CSMD1: variants seen among roughly 807,000 people sequenced by gnomAD.
CSMD1 encodes the protein CUB and sushi domain-containing protein 1.
CSMD1 carries 213 observed loss-of-function variants against 417.5 expected under a neutral mutation model. The ratio of observed to expected loss-of-function variants is 0.51; its 90% CI spans 0.46 to 0.57. The LOEUF (loss-of-function observed/expected upper bound fraction) is 0.57, where lower values mean the gene tolerates loss of function less well. Ranked by LOEUF, CSMD1 falls within the 20% of genes least tolerant of loss-of-function variation. The pLI is 0.00. For synonymous variants in CSMD1, 2,862 were observed against 1,736.8 expected (o/e 1.65, Z -16.11); for missense variants, 6,923 against 4,529.7 (o/e 1.53, Z -15.17).
intron 5 of CSMD1, among the ~76,000 whole-genome samples, chr8:3,766,370 G>A (rs1428097900): frequency 2.0e-5 from 3 of 152,120 alleles, no homozygotes; most frequent in South Asian, 2.1e-4. Flanking sequence ...TCAGTGACCT[G>A]GAAAACGAAA....
At chr8:4,717,310 C>CATATATATATATATATATAT (rs377764710) in intron 1 of CSMD1, among the ~76,000 whole-genome samples, 71 of 137,132 alleles carry the variant, frequency 5.2e-4, no homozygotes, top group African/African-American at 1.8e-3. Context: ...TCTCTCTCTC[C>CATATATATATATATATATAT]ATATATATAT....
chr8:3,712,611 T>C (rs1157233787), intron 6 of CSMD1, among the ~76,000 whole-genome samples: 1 of 152,210 alleles, frequency 6.6e-6, no homozygotes, highest in Non-Finnish European at 1.5e-5. Flanking sequence ...AAAACATAGC[T>C]TTTGTGTCTA....
intron 7 of CSMD1, among the ~76,000 whole-genome samples, chr8:3,620,978 T>G (rs1395851431): frequency 6.6e-6 from 1 of 152,108 alleles, no homozygotes; most frequent in African/African-American, 2.4e-5. Context: ...TAACTTAAAG[T>G]GTCATCCTTA....
At chr8:3,001,425 T>C (rs76776252) in intron 52 of CSMD1, among the ~76,000 whole-genome samples, 3,684 of 152,168 alleles carry the variant, frequency 0.024, 153 homozygotes, top group African/African-American at 0.085. Flanking sequence ...CTTATTAAAT[T>C]AACAAAATAT....
intron 1 of CSMD1, among the ~76,000 whole-genome samples, chr8:4,738,656 T>C (rs1810400305): frequency 6.6e-6 from 1 of 152,142 alleles, no homozygotes; most frequent in African/African-American, 2.4e-5. Flanking sequence ...ATCGTTTCTG[T>C]CATTTTTTGA....
chr8:4,557,065 G>C (rs1377843653), intron 2 of CSMD1, among the ~76,000 whole-genome samples: 1 of 152,140 alleles, frequency 6.6e-6, no homozygotes, highest in African/African-American at 2.4e-5. Flanking sequence ...AATCACTTAT[G>C]GGTCATGAAA....
chr8:4,988,175 A>G (rs1029193510), intron 1 of CSMD1, among the ~76,000 whole-genome samples: 12 of 152,202 alleles, frequency 7.9e-5, no homozygotes, highest in Non-Finnish European at 1.6e-4. Flanking sequence ...GTCTATTATA[A>G]TGATAGCTTT....
At chr8:3,086,925 T>A (rs528038572) in intron 49 of CSMD1, among the ~76,000 whole-genome samples, 172 bp downstream of exon 49, 15 of 152,218 alleles carry the variant, frequency 9.9e-5, no homozygotes, top group Non-Finnish European at 1.9e-4. Context: ...TACAACTACA[T>A]GTCAGGAAAG....
At chr8:4,599,159 C>T (rs1800447046) in intron 2 of CSMD1, among the ~76,000 whole-genome samples, 1 of 152,124 alleles carries the variant, frequency 6.6e-6, no homozygotes. Context: ...CGTACTGTAT[C>T]TGTAGGGAGA....
chr8:4,420,368 T>A (rs895474621), intron 2 of CSMD1, among the ~76,000 whole-genome samples: 1 of 147,238 alleles, frequency 6.8e-6, no homozygotes. Flanking sequence ...TACTGCCAAC[T>A]TTTTTTTTTA....
intron 5 of CSMD1, among the ~76,000 whole-genome samples, chr8:3,871,190 T>C (rs1805460734): frequency 6.6e-6 from 1 of 152,092 alleles, no homozygotes; most frequent in African/African-American, 2.4e-5. Context: ...AATGTGCAAA[T>C]ATTTTTCTAC....
In CSMD1 at chr8:4,405,042, G is replaced by C. The variant is rs117176281; in HGVS notation, c.415+14911C>G. On this transcript the variant is annotated intron_variant, in intron 3 of 69. Coordinates refer to ENST00000635120, the MANE Select transcript of CSMD1 (RefSeq NM_033225.6). The stretch of plus-strand genomic sequence containing the variant: ...ACTGAGGTTTAAACTAGCATGTCGT[G>C]ACTATGCTGGACACTTTCTCAAATC... Among the ~76,000 whole-genome samples the C allele has an allele frequency of 9.3e-4, 142 of 152,360 alleles. 1 individual carries two copies. The highest frequency in any genetic ancestry group is 7.3e-3 in the East Asian group (38 of 5,188).
chr8:4,259,634 T>G (rs1429293979), intron 3 of CSMD1, among the ~76,000 whole-genome samples: 1 of 152,122 alleles, frequency 6.6e-6, no homozygotes, highest in African/African-American at 2.4e-5. Flanking sequence ...TCGGAGTCCT[T>G]ACCCAAAACA....
chr8:3,500,660 G>A (rs1210308917), intron 10 of CSMD1, among the ~76,000 whole-genome samples: 1 of 152,172 alleles, frequency 6.6e-6, no homozygotes, highest in Admixed American at 6.5e-5. Flanking sequence ...TCTTAAGGAG[G>A]AGGGAGTGAT....
chr8:3,230,649 T>G (rs1230140401), intron 26 of CSMD1, among the ~76,000 whole-genome samples: 1 of 152,050 alleles, frequency 6.6e-6, no homozygotes, highest in Non-Finnish European at 1.5e-5. Context: ...TTCCTTAAGG[T>G]CTGTGCCTTC....
chr8:3,063,430 G>A lies in CSMD1; in HGVS notation c.7475-10783C>T, dbSNP rs144663214. ...GTTAAACAATACAGCCACTGTTGAT[G>A]ACCTATGGTGGTTCCTCAAAAAATT... On this transcript the variant is annotated intron_variant, in intron 49 of 69. Coordinates refer to ENST00000635120, the MANE Select transcript of CSMD1 (RefSeq NM_033225.6). Among the ~76,000 whole-genome samples, 919 of 152,332 alleles carry A rather than the reference G, an allele frequency of 6.0e-3. 7 individuals carry two copies. The highest frequency in any genetic ancestry group is 0.014 in the Middle Eastern group (4 of 294).
chr8:3,036,467 A>C (rs2128980924), intron 50 of CSMD1, among the ~76,000 whole-genome samples: 1 of 152,336 alleles, frequency 6.6e-6, no homozygotes, highest in Non-Finnish European at 1.5e-5. Context: ...TAATTGAAGC[A>C]CATTTAATGA....
chr8:3,720,577 G>T (rs1396040231), intron 6 of CSMD1, among the ~76,000 whole-genome samples: 2 of 150,046 alleles, frequency 1.3e-5, no homozygotes, highest in African/African-American at 4.9e-5. Flanking sequence ...ACACTTCACA[G>T]TAGGAGAAAC....
intron 1 of CSMD1, among the ~76,000 whole-genome samples, chr8:4,660,300 C>G (rs548794365): frequency 3.2e-4 from 49 of 152,126 alleles, no homozygotes; most frequent in African/African-American, 1.1e-3. Context: ...AAAAACGCAA[C>G]ACAATTTAAA....
Sources: allele counts gnomAD v4.1 joint callset (sites outside exome capture counted in the v4.1 genomes callset), GRCh38; gene constraint gnomAD v4.1.1; transcripts MANE v1.5; gene names NCBI Gene and HGNC (gene_info 2026-07-23, HGNC 2026-07-21).